FAM184B: variants seen among roughly 807,000 people sequenced by gnomAD.
FAM184B encodes the protein family with sequence similarity 184 member B.
In FAM184B, 111 loss-of-function variants were observed where a neutral mutation model predicts 135.9. The observed-to-expected ratio is 0.82, with a 90% confidence interval of 0.70 to 0.96. The LOEUF is 0.96. Ranked by LOEUF, FAM184B falls within the 40% of genes least tolerant of loss-of-function variation. The pLI, the probability that FAM184B is intolerant of heterozygous loss-of-function variation, is 0.00. For synonymous variants in FAM184B, 552 were observed against 524.8 expected (o/e 1.05, Z -0.71); for missense variants, 1,375 against 1,323.9 (o/e 1.04, Z -0.60).
chr4:17,737,297 C>T (rs1482427039), intron 1 of FAM184B, among the ~76,000 whole-genome samples: 1 of 151,942 alleles, frequency 6.6e-6, no homozygotes, highest in Non-Finnish European at 1.5e-5. Context: ...TTTAAGAGAT[C>T]TGGTCAATGT....
intron 1 of FAM184B, among the ~76,000 whole-genome samples, chr4:17,747,064 G>C (rs1467240071): frequency 5.0e-5 from 7 of 139,270 alleles, no homozygotes; most frequent in Admixed American, 1.4e-4. Flanking sequence ...AAAAAAAAAA[G>C]TAGATTCCTG....
At position 17,688,404 on chromosome 4, in the gene FAM184B, C is replaced by T; in HGVS notation, c.1596+20G>A. ...AGAAAAGAAATATCTTTAATTAAAT[C>T]TGACAAAGCTGGAGGTTACCTGGGT... On this transcript the variant is annotated intron_variant, in intron 7 of 17. Coordinates refer to ENST00000265018, the MANE Select transcript of FAM184B (RefSeq NM_015688.2). 6.6e-7 allele frequency: 1 copy of T among 1,520,528 alleles called. No homozygotes were observed. The highest frequency in any genetic ancestry group is 8.9e-7 in the Non-Finnish European group (1 of 1,123,824). The allele number at this position is 1,520,528 out of a possible 1,614,324, so 94.2% of individuals were successfully genotyped here. A position where few individuals can be genotyped will look rare whatever the true frequency, so the allele number is the denominator to read the frequency against.
At chr4:17,769,947 C>T (rs531970794) in intron 1 of FAM184B, among the ~76,000 whole-genome samples, 46 of 152,172 alleles carry the variant, frequency 3.0e-4, no homozygotes, top group Admixed American at 2.6e-3. Context: ...GCAGGGCAGC[C>T]GCATTAGTCT....
chr4:17,676,708 T>A (rs1357616998), intron 7 of FAM184B, among the ~76,000 whole-genome samples: 1 of 152,220 alleles, frequency 6.6e-6, no homozygotes, highest in African/African-American at 2.4e-5. Flanking sequence ...AATGATGACA[T>A]AGCCATTGTA....
In FAM184B at chr4:17,631,422, C is replaced by T. The variant is rs756970296; in HGVS notation, c.*1110G>A. ...TCAAGCTCTCCTCCCATCTCAGCCT[C>T]CCAAAGTGTTGGGATTACAGGCATG... On this transcript the variant is annotated 3_prime_UTR_variant, in exon 18 of 18. Coordinates refer to ENST00000265018, the MANE Select transcript of FAM184B (RefSeq NM_015688.2). The T allele has an allele frequency of 3.9e-5, 6 of 152,224 alleles. No individual in the cohort carries two copies. The highest frequency in any genetic ancestry group is 8.8e-5 in the Non-Finnish European group (6 of 68,120). 9.4% of individuals were successfully genotyped at this position (152,224 alleles called of 1,614,324 possible).
intron 1 of FAM184B, among the ~76,000 whole-genome samples, chr4:17,765,735 TCTCA>T (rs1046380366): frequency 2.0e-5 from 3 of 152,206 alleles, no homozygotes; most frequent in Non-Finnish European, 4.4e-5. Flanking sequence ...GGGTTCTTGG[TCTCA>T]CTGACTTGAA....
rs1361520593 is a variant in FAM184B, at chr4:17,642,027, GCGGTGGCGGGGCGCGC to G, written c.2519+13_2519+28del. 1.3e-6 allele frequency: 2 copies of G among 1,508,338 alleles called. No individual in the cohort carries two copies. The highest frequency in any genetic ancestry group is 1.8e-6 in the Non-Finnish European group (2 of 1,135,078). The allele number at this position is 1,508,338 out of a possible 1,614,324, so 93.4% of individuals were successfully genotyped here. On this transcript the variant is annotated intron_variant, in intron 13 of 17. Coordinates refer to ENST00000265018, the MANE Select transcript of FAM184B (RefSeq NM_015688.2). ...TGGCGGGGTAGGGGGTGAGGGTGGCGCGGTGGCGGGGCGCGCCGGGTCACCCACCTGCGCTGGTCTC... is the reference window on the plus strand; with the variant it reads ...TGGCGGGGTAGGGGGTGAGGGTGGCGCGGGTCACCCACCTGCGCTGGTCTC...
At chr4:17,750,933 C>T (rs956260785) in intron 1 of FAM184B, among the ~76,000 whole-genome samples, 2 of 152,094 alleles carry the variant, frequency 1.3e-5, no homozygotes, top group Non-Finnish European at 2.9e-5. Flanking sequence ...TTGGTTAGGA[C>T]ATGGAACTCA....
chr4:17,661,531 C>A (rs1342419617), intron 8 of FAM184B, among the ~76,000 whole-genome samples: 1 of 152,112 alleles, frequency 6.6e-6, no homozygotes, highest in Non-Finnish European at 1.5e-5. Context: ...CCAGCCTGGG[C>A]AATGAGAGCG....
At chr4:17,700,369 C>T (rs140421590) in intron 5 of FAM184B, among the ~76,000 whole-genome samples, 2 of 152,184 alleles carry the variant, frequency 1.3e-5, no homozygotes, top group Admixed American at 6.5e-5. Context: ...CTGGAATATA[C>T]ATATATTATC....
At chr4:17,642,736 T>C (rs568777889) in intron 12 of FAM184B, among the ~76,000 whole-genome samples, 2 of 143,522 alleles carry the variant, frequency 1.4e-5, no homozygotes, top group Admixed American at 1.3e-4. Context: ...GCTATTCCTC[T>C]CTTCATCTTT....
intron 7 of FAM184B, among the ~76,000 whole-genome samples, chr4:17,681,662 C>G (rs1202899856): frequency 1.3e-5 from 2 of 152,172 alleles, no homozygotes. Context: ...GACTCTTGCC[C>G]AGCAAACCAC....
chr4:17,635,063 C>T lies in FAM184B; in HGVS notation c.2835G>A (p.Arg945=). Residue 945 remains arginine (R), a synonymous_variant, in exon 16 of 18, where the codon CGG becomes CGA. Coordinates refer to ENST00000265018, the MANE Select transcript of FAM184B (RefSeq NM_015688.2). ...GAGGATTGAAAGAGAAAGACCGATT[C>T]CGGTGGGACATGGCACTGGGGAATG... ...YAAFPSAMSH[R]NRSFSFNPHP... The T allele has an allele frequency of 6.4e-7, 1 of 1,551,818 alleles. No individual in the cohort carries two copies. The highest frequency in any genetic ancestry group is 8.7e-7 in the Non-Finnish European group (1 of 1,147,020).
In FAM184B at chr4:17,686,458, A is replaced by G. The variant is rs146651148; in HGVS notation, c.1596+1966T>C. On this transcript the variant is annotated intron_variant, in intron 7 of 17. Transcript: ENST00000265018. The stretch of plus-strand genomic sequence containing the variant: ...AGTCCTGGCTGCTCCCCTTAACCCA[A>G]TGACAGCTGGAGTCTGTTTTATCTG... 6.0e-3 allele frequency among the ~76,000 whole-genome samples: 908 copies of G among 152,316 alleles called. 7 individuals are homozygous for G. The highest frequency in any genetic ancestry group is 0.021 in the African/African-American group (876 of 41,578).
At chr4:17,708,714 C>CATATACA (rs1717175726) in intron 2 of FAM184B, among the ~76,000 whole-genome samples, 178 bp downstream of exon 2, 2 of 57,054 alleles carry the variant, frequency 3.5e-5, no homozygotes, top group African/African-American at 7.1e-5. Context: ...TATATAGTGT[C>CATATACA]TGTGTGTGTG....
intron 13 of FAM184B, among the ~76,000 whole-genome samples, chr4:17,640,344 C>T (rs1013103969): frequency 1.4e-5 from 2 of 147,676 alleles, no homozygotes; most frequent in African/African-American, 2.5e-5. Context: ...ATTAGCTGGG[C>T]ATGGTGGTGT....
intron 1 of FAM184B, among the ~76,000 whole-genome samples, chr4:17,745,954 A>G (rs1056839156): frequency 3.9e-5 from 6 of 152,128 alleles, no homozygotes; most frequent in African/African-American, 1.2e-4. Flanking sequence ...TTTTGTCACT[A>G]CAAAGAACTT....
At chr4:17,683,880 A>G (rs28497813) in intron 7 of FAM184B, among the ~76,000 whole-genome samples, 80,824 of 151,496 alleles carry the variant, frequency 0.53, 23,557 homozygotes, top group East Asian at 0.82. Context: ...GTTTGAGACC[A>G]GCCTGGACAG....
At chr4:17,777,759 T>C (rs960830187) in intron 1 of FAM184B, among the ~76,000 whole-genome samples, 3 of 152,160 alleles carry the variant, frequency 2.0e-5, no homozygotes, top group African/African-American at 7.2e-5. Context: ...GAAAAGATAA[T>C]GGAGGTAATG....
Sources: gnomAD v4.1 joint callset for allele counts (sites outside exome capture counted in the v4.1 genomes callset) on GRCh38, gnomAD v4.1.1 for gene constraint, MANE v1.5 for transcripts, NCBI Gene and HGNC (gene_info 2026-07-23, HGNC 2026-07-21) for gene names.